The following THSD4 variants were observed in gnomAD, a reference collection of about 807,000 sequenced individuals.
The protein encoded by THSD4 is thrombospondin type-1 domain-containing protein 4.
THSD4 carries 69 observed loss-of-function variants against 119.0 expected under a neutral mutation model. The ratio of observed to expected loss-of-function variants is 0.58; its 90% CI spans 0.48 to 0.71. THSD4 has a LOEUF of 0.71. Ranked by LOEUF, THSD4 falls within the 30% of genes least tolerant of loss-of-function variation. The pLI, the probability that THSD4 is intolerant of heterozygous loss-of-function variation, is 0.00. For synonymous variants in THSD4, 524 were observed against 540.4 expected (o/e 0.97, Z 0.42); for missense variants, 1,393 against 1,391.1 (o/e 1.00, Z -0.02).
intron 7 of THSD4, among the ~76,000 whole-genome samples, chr15:71,632,127 C>T (rs1307609685): frequency 6.6e-6 from 1 of 152,228 alleles, no homozygotes; most frequent in East Asian, 1.9e-4. Context: ...GAGTCCAGTG[C>T]TCACTAATTA....
At chr15:71,549,341 C>A (rs1020929426) in intron 7 of THSD4, among the ~76,000 whole-genome samples, 1 of 152,040 alleles carries the variant, frequency 6.6e-6, no homozygotes, top group African/African-American at 2.4e-5. Context: ...TCCCTCTTTC[C>A]CCTAGTGTGT....
chr15:71,442,660 G>GTATA (rs71154772), intron 7 of THSD4, among the ~76,000 whole-genome samples: 260 of 25,684 alleles, frequency 0.01, 10 homozygotes, highest in African/African-American at 0.027. Context: ...GTGTGTGTGT[G>GTATA]TATATATATA....
intron 7 of THSD4, among the ~76,000 whole-genome samples, chr15:71,573,224 G>A (rs1333597383): frequency 1.3e-5 from 2 of 152,174 alleles, no homozygotes; most frequent in African/African-American, 4.8e-5. Context: ...CTTGCACAGT[G>A]CCTGACATGC....
chr15:71,311,461 T>C (rs1038940613), intron 6 of THSD4, among the ~76,000 whole-genome samples: 2 of 152,148 alleles, frequency 1.3e-5, no homozygotes, highest in African/African-American at 4.8e-5. Flanking sequence ...TTGAACAGCT[T>C]TTAGAATCCA....
chr15:71,745,088 A>T lies in THSD4; in HGVS notation c.1907-18A>T. ...CAGTGTGTGGGACTGTCCTTCAGAC[A>T]TTCTCCTGTTGTTGCAGGATCGCAG... On this transcript the variant is annotated intron_variant, in intron 11 of 17. Coordinates refer to ENST00000261862, the MANE Select transcript of THSD4 (RefSeq NM_024817.3). The T allele has an allele frequency of 6.2e-7, 1 of 1,607,416 alleles. No individual in the cohort carries two copies. Among genetic ancestry groups the T allele is most frequent in the Non-Finnish European group, 8.5e-7 (1 of 1,176,546 alleles).
intron 4 of THSD4, among the ~76,000 whole-genome samples, chr15:71,224,207 G>C: frequency 6.6e-6 from 1 of 152,310 alleles, no homozygotes; most frequent in East Asian, 1.9e-4. Context: ...TTCATAAATG[G>C]TTTGGTGAGG....
intron 8 of THSD4, among the ~76,000 whole-genome samples, chr15:71,701,283 G>A (rs918773170): frequency 3.3e-5 from 5 of 152,168 alleles, no homozygotes; most frequent in Non-Finnish European, 5.9e-5. Context: ...TTACCCACTA[G>A]TAATCAGGAC....
intron 7 of THSD4, among the ~76,000 whole-genome samples, chr15:71,510,638 G>T (rs116196486): frequency 6.6e-6 from 1 of 152,166 alleles, no homozygotes; most frequent in Admixed American, 6.5e-5. Flanking sequence ...TTAGGGCAAA[G>T]CATGAGATGG....
At chr15:71,351,524 A>G (rs554618910) in intron 6 of THSD4, among the ~76,000 whole-genome samples, 2 of 152,314 alleles carry the variant, frequency 1.3e-5, no homozygotes, top group East Asian at 3.9e-4. Flanking sequence ...TCTCCTAGCC[A>G]TCTGCTCTTG....
intron 4 of THSD4, among the ~76,000 whole-genome samples, chr15:71,221,917 T>G (rs995019692): frequency 6.6e-5 from 10 of 152,114 alleles, no homozygotes; most frequent in African/African-American, 2.4e-4. Flanking sequence ...TATTTTCTGT[T>G]TTTTTTTGAT....
chr15:71,214,581 C>G (rs1449648688), intron 3 of THSD4, among the ~76,000 whole-genome samples: 1 of 152,230 alleles, frequency 6.6e-6, no homozygotes, highest in Non-Finnish European at 1.5e-5. Context: ...TCCGGACACA[C>G]TAGGAAGTGG....
At chr15:71,119,605 C>T (rs562606583) in intron 1 of THSD4, among the ~76,000 whole-genome samples, 8 of 152,164 alleles carry the variant, frequency 5.3e-5, no homozygotes, top group Non-Finnish European at 5.9e-5. Flanking sequence ...TCAGCTTACT[C>T]GAAGGCATGT....
At chr15:71,103,954 A>G (rs2040263764) in intron 1 of THSD4, among the ~76,000 whole-genome samples, 1 of 152,180 alleles carries the variant, frequency 6.6e-6, no homozygotes, top group Admixed American at 6.5e-5. Flanking sequence ...AGGGAAAAAA[A>G]TTCACTACTG....
At chr15:71,556,584 A>T (rs1286514305) in intron 7 of THSD4, among the ~76,000 whole-genome samples, 1 of 151,986 alleles carries the variant, frequency 6.6e-6, no homozygotes, top group Non-Finnish European at 1.5e-5. Context: ...TCTACAAAAA[A>T]AATAATAATA....
At chr15:71,460,655 G>A (rs1333830613) in intron 7 of THSD4, among the ~76,000 whole-genome samples, 1 of 152,180 alleles carries the variant, frequency 6.6e-6, no homozygotes, top group Non-Finnish European at 1.5e-5. Flanking sequence ...CGACGGGCTG[G>A]TAGCTGTCTC....
Position 71,777,275 on chromosome 15 carries a change from C to T in THSD4, c.2958C>T (p.Val986=). 1 of 1,614,232 alleles carries T rather than the reference C, an allele frequency of 6.2e-7. No individual in the cohort carries two copies. The highest frequency in any genetic ancestry group is 8.5e-7 in the Non-Finnish European group (1 of 1,180,040). ...AGTACTACAACTGCAACGTGGTGGT[C>T]CAGGCAAGACTCTGTGTCTACAACT... ...KDKYYNCNVV[V]QARLCVYNYY... Residue 986 remains valine (V), a synonymous_variant, in exon 18 of 18, where the codon GTC becomes GTT. Coordinates refer to ENST00000261862, the MANE Select transcript of THSD4 (RefSeq NM_024817.3).
intron 7 of THSD4, among the ~76,000 whole-genome samples, chr15:71,637,795 A>T (rs1383188679): frequency 6.6e-6 from 1 of 151,342 alleles, no homozygotes; most frequent in Non-Finnish European, 1.5e-5. Context: ...GTGTGACCTC[A>T]GCTCAGTGCA....
chr15:71,558,525 A>C (rs1262115183), intron 7 of THSD4, among the ~76,000 whole-genome samples: 2 of 152,120 alleles, frequency 1.3e-5, no homozygotes, highest in Non-Finnish European at 2.9e-5. Flanking sequence ...ACTCTGTTGC[A>C]GTGGCAGGAT....
At chr15:71,330,980 G>C (rs1447929492) in intron 6 of THSD4, among the ~76,000 whole-genome samples, 1 of 152,214 alleles carries the variant, frequency 6.6e-6, no homozygotes, top group Non-Finnish European at 1.5e-5. Context: ...AAGGAGGGAG[G>C]CTGTGCTAAT....
Sources: gnomAD v4.1 joint callset for allele counts (sites outside exome capture counted in the v4.1 genomes callset) on GRCh38, gnomAD v4.1.1 for gene constraint, MANE v1.5 for transcripts, NCBI Gene and HGNC (gene_info 2026-07-23, HGNC 2026-07-21) for gene names.